The following SOX5 variants were observed in gnomAD, a reference collection of about 807,000 sequenced individuals.
SOX5 encodes SRY-box transcription factor 5, also known as transcription factor SOX-5.
A neutral mutation model predicts 92.0 loss-of-function variants in SOX5; 9 were observed. The observed-to-expected ratio is 0.10, with a 90% CI of 0.06 to 0.17. SOX5 has a LOEUF of 0.17. Among genes scored for constraint, SOX5 ranks in the 10% least tolerant of loss-of-function variants. SOX5 has a pLI of 1.00. For synonymous variants in SOX5, 344 were observed against 336.3 expected, an observed-to-expected ratio of 1.02 and a Z score of -0.25; for missense variants, 642 against 944.5, an observed-to-expected ratio of 0.68 and a Z score of 4.20.
intron 7 of SOX5, among the ~76,000 whole-genome samples, chr12:23,658,729 A>C (rs1312460901): frequency 6.6e-6 from 1 of 152,064 alleles, no homozygotes; most frequent in Non-Finnish European, 1.5e-5. Flanking sequence ...CATGTCTGCT[A>C]AAAATACAAA....
intron 4 of SOX5, among the ~76,000 whole-genome samples, chr12:24,186,866 C>A (rs533323092): frequency 6.6e-6 from 1 of 151,838 alleles, no homozygotes; most frequent in Non-Finnish European, 1.5e-5. Context: ...CTTCTTTTTG[C>A]TCTTTTTCCC....
At chr12:24,160,181 G>A (rs1203351550) in intron 4 of SOX5, among the ~76,000 whole-genome samples, 2 of 152,052 alleles carry the variant, frequency 1.3e-5, no homozygotes, top group East Asian at 3.9e-4. Flanking sequence ...AGGTTAGTAA[G>A]TTTTAGTGAT....
At chr12:24,027,984 T>C (rs931522800) in intron 4 of SOX5, among the ~76,000 whole-genome samples, 7 of 152,026 alleles carry the variant, frequency 4.6e-5, no homozygotes, top group Non-Finnish European at 7.4e-5. Context: ...TTGTGCTCCC[T>C]GTTACTCTGT....
chr12:23,830,727 C>T (rs1204252250), intron 3 of SOX5, among the ~76,000 whole-genome samples: 1 of 152,102 alleles, frequency 6.6e-6, no homozygotes, highest in Non-Finnish European at 1.5e-5. Context: ...CTTAGGAAAG[C>T]CGATCTCCAT....
At chr12:23,975,196 A>G (rs149453096) in intron 4 of SOX5, among the ~76,000 whole-genome samples, 23 of 152,306 alleles carry the variant, frequency 1.5e-4, no homozygotes, top group African/African-American at 5.3e-4. Context: ...ATTTGCAAAC[A>G]TATTAAAATG....
At chr12:24,455,795 A>G (rs908238046) in intron 1 of SOX5, among the ~76,000 whole-genome samples, 1 of 152,116 alleles carries the variant, frequency 6.6e-6, no homozygotes, top group African/African-American at 2.4e-5. Context: ...CCCTCCTTCC[A>G]GCTGCCGGGA....
At chr12:24,194,662 C>G (rs978813597) in intron 4 of SOX5, among the ~76,000 whole-genome samples, 1 of 152,076 alleles carries the variant, frequency 6.6e-6, no homozygotes, top group Non-Finnish European at 1.5e-5. Context: ...AAAGACTCAT[C>G]CTACTGTTAA....
At chr12:24,132,586 C>T (rs1387237761) in intron 4 of SOX5, among the ~76,000 whole-genome samples, 1 of 152,100 alleles carries the variant, frequency 6.6e-6, no homozygotes, top group Non-Finnish European at 1.5e-5. Context: ...TATCCGTATA[C>T]TTGGGTTAGA....
At chr12:23,695,766 C>G (rs1252138583) in intron 6 of SOX5, among the ~76,000 whole-genome samples, 2 of 151,386 alleles carry the variant, frequency 1.3e-5, no homozygotes, top group African/African-American at 4.8e-5. Context: ...ACGGTGAAAC[C>G]CCGTCTCTAC....
At chr12:23,819,512 T>G (rs927478884) in intron 3 of SOX5, among the ~76,000 whole-genome samples, 11 of 152,118 alleles carry the variant, frequency 7.2e-5, no homozygotes, top group African/African-American at 2.7e-4. Context: ...CGTGTCATGG[T>G]GGTTTGCTGC....
intron 4 of SOX5, among the ~76,000 whole-genome samples, chr12:23,746,394 C>T (rs1482693990): frequency 6.6e-6 from 1 of 152,046 alleles, no homozygotes; most frequent in Non-Finnish European, 1.5e-5. Context: ...AGTGTATAAC[C>T]CTATGGAGAC....
intron 4 of SOX5, among the ~76,000 whole-genome samples, chr12:24,203,835 C>T (rs915584503): frequency 1.3e-5 from 2 of 152,194 alleles, no homozygotes; most frequent in Non-Finnish European, 2.9e-5. Context: ...TTTTTATCCA[C>T]TTCCTTCATC....
intron 4 of SOX5, among the ~76,000 whole-genome samples, chr12:24,193,099 CAG>C (rs1291414753): frequency 1.3e-5 from 2 of 152,024 alleles, no homozygotes; most frequent in African/African-American, 4.8e-5. Context: ...AGCTTAAAAC[CAG>C]AGAGATGTAC....
intron 2 of SOX5, among the ~76,000 whole-genome samples, chr12:24,342,011 G>A (rs1005898117): frequency 6.6e-6 from 1 of 152,162 alleles, no homozygotes. Flanking sequence ...CATAAGATGT[G>A]CTTTCCTGAT....
intron 6 of SOX5, among the ~76,000 whole-genome samples, chr12:23,680,342 A>AG (rs1297346330): frequency 4.7e-5 from 7 of 150,370 alleles, no homozygotes; most frequent in Non-Finnish European, 3.0e-5. Flanking sequence ...AAAAAAAAAA[A>AG]AAAAAGAAAA....
chr12:24,025,658 C>A (rs114301159), intron 4 of SOX5, among the ~76,000 whole-genome samples: 3,339 of 151,994 alleles, frequency 0.022, 130 homozygotes, highest in African/African-American at 0.077. Context: ...ACCTCAAATT[C>A]CAAAATTAGT....
chr12:23,569,456 G>T (rs556682113), intron 10 of SOX5, among the ~76,000 whole-genome samples: 15 of 152,170 alleles, frequency 9.9e-5, no homozygotes, highest in Non-Finnish European at 1.9e-4. Flanking sequence ...AGAGATCACA[G>T]TATGCAGCTT....
chr12:23,663,794 A>G (rs2083397074), intron 7 of SOX5, among the ~76,000 whole-genome samples: 1 of 123,596 alleles, frequency 8.1e-6, no homozygotes, highest in Non-Finnish European at 1.9e-5. Flanking sequence ...TTCTATTCAT[A>G]GAATTTATTC....
At chr12:24,046,739 G>A (rs111632612) in intron 4 of SOX5, among the ~76,000 whole-genome samples, 21,848 of 146,754 alleles carry the variant, frequency 0.15, 1,904 homozygotes, top group Non-Finnish European at 0.2. Flanking sequence ...GAGTGCAATG[G>A]TGCGATCTCG....
Sources: allele counts gnomAD v4.1 joint callset (sites outside exome capture counted in the v4.1 genomes callset), GRCh38; gene constraint gnomAD v4.1.1; transcripts MANE v1.5; gene names NCBI Gene and HGNC (gene_info 2026-07-23, HGNC 2026-07-21).